FSTL5: variants seen among roughly 807,000 people sequenced by gnomAD.
FSTL5 encodes follistatin-related protein 5.
A neutral mutation model predicts 89.1 loss-of-function variants in FSTL5; 62 were observed. The ratio of observed to expected loss-of-function variants is 0.70; its 90% CI spans 0.57 to 0.86. The LOEUF (loss-of-function observed/expected upper bound fraction) is 0.86. Ranked by LOEUF, FSTL5 falls within the 40% of genes least tolerant of loss-of-function variation. The pLI, the probability that FSTL5 is intolerant of heterozygous loss-of-function variation, is 0.00. For synonymous variants in FSTL5, 383 were observed against 346.2 expected, an observed-to-expected ratio of 1.11 and a Z score of -1.18; for missense variants, 1,057 against 1,001.6, an observed-to-expected ratio of 1.06 and a Z score of -0.75.
chr4:162,005,584 G>T (rs1736592880), intron 3 of FSTL5, among the ~76,000 whole-genome samples: 1 of 152,080 alleles, frequency 6.6e-6, no homozygotes, highest in Non-Finnish European at 1.5e-5. Flanking sequence ...ACCACTGAAA[G>T]AGATCAAGGG....
intron 7 of FSTL5, among the ~76,000 whole-genome samples, chr4:161,597,360 T>G (rs1319046205): frequency 1.3e-5 from 2 of 151,240 alleles, no homozygotes; most frequent in Non-Finnish European, 2.9e-5. Flanking sequence ...ACCATCATTC[T>G]CAGCAAACTA....
At chr4:161,440,065 G>A (rs7669737) in intron 15 of FSTL5, among the ~76,000 whole-genome samples, 63,840 of 151,892 alleles carry the variant, frequency 0.42, 14,399 homozygotes, top group East Asian at 0.6. Flanking sequence ...TACTAGAGTC[G>A]TAGAGAAGAA....
At chr4:162,111,140 T>A (rs1731421584) in intron 2 of FSTL5, 131 bp downstream of exon 2, 1 of 726,974 alleles carries the variant, frequency 1.4e-6, no homozygotes, top group Admixed American at 3.0e-5. Context: ...ATGTGCATTT[T>A]AAAAATAATA....
intron 15 of FSTL5, among the ~76,000 whole-genome samples, chr4:161,442,961 T>C (rs1475685263): frequency 6.6e-6 from 1 of 152,006 alleles, no homozygotes; most frequent in Admixed American, 6.6e-5. Flanking sequence ...AGCTGAATTT[T>C]GGTCTACAGT....
intron 3 of FSTL5, among the ~76,000 whole-genome samples, chr4:161,984,419 C>A (rs2111057528): frequency 6.6e-6 from 1 of 152,174 alleles, no homozygotes; most frequent in South Asian, 2.1e-4. Context: ...GCACCTACTG[C>A]ATGAATGTTA....
At chr4:161,540,697 AT>A (rs908644854) in intron 9 of FSTL5, among the ~76,000 whole-genome samples, 6 of 150,296 alleles carry the variant, frequency 4.0e-5, no homozygotes, top group South Asian at 2.1e-4. Context: ...ACTATCTTCT[AT>A]TTTTTTTTCC....
intron 2 of FSTL5, among the ~76,000 whole-genome samples, chr4:162,105,433 A>G (rs1731186310): frequency 6.6e-6 from 1 of 152,146 alleles, no homozygotes; most frequent in Non-Finnish European, 1.5e-5. Flanking sequence ...TATTTTTTAG[A>G]TTCATTTTTC....
chr4:161,513,272 G>GGAGAGAGAGAGA (rs6148753), intron 10 of FSTL5, among the ~76,000 whole-genome samples: 1,488 of 109,882 alleles, frequency 0.014, 167 homozygotes, highest in East Asian at 0.036. Flanking sequence ...ACAAGGAGGG[G>GGAGAGAGAGAGA]GAGAGAGAGA....
intron 3 of FSTL5, among the ~76,000 whole-genome samples, chr4:162,013,174 G>T (rs1401782040): frequency 6.7e-6 from 1 of 148,544 alleles, no homozygotes; most frequent in Non-Finnish European, 1.5e-5. Flanking sequence ...GACACTGAAA[G>T]ACTCTGTCTT....
chr4:161,984,199 C>A (rs570656204), intron 3 of FSTL5, among the ~76,000 whole-genome samples: 1 of 151,964 alleles, frequency 6.6e-6, no homozygotes, highest in East Asian at 1.9e-4. Context: ...TTTCTCTATA[C>A]TTTTTTATTT....
At chr4:161,634,303 T>C (rs1408280079) in intron 7 of FSTL5, among the ~76,000 whole-genome samples, 1 of 152,200 alleles carries the variant, frequency 6.6e-6, no homozygotes, top group Non-Finnish European at 1.5e-5. Context: ...TTAGAGCTGT[T>C]GACTTTAAGG....
intron 3 of FSTL5, among the ~76,000 whole-genome samples, chr4:161,967,224 A>T (rs1735355127): frequency 6.6e-6 from 1 of 152,118 alleles, no homozygotes; most frequent in Non-Finnish European, 1.5e-5. Context: ...GGCACAGCTG[A>T]TGAAGGGTTT....
At chr4:161,856,067 C>G (rs890122693) in intron 4 of FSTL5, among the ~76,000 whole-genome samples, 1 of 151,972 alleles carries the variant, frequency 6.6e-6, no homozygotes, top group Non-Finnish European at 1.5e-5. Flanking sequence ...AAAATATAAA[C>G]CATAATTAGC....
chr4:162,021,788 C>T (rs980917056), intron 3 of FSTL5, among the ~76,000 whole-genome samples: 1 of 151,854 alleles, frequency 6.6e-6, no homozygotes, highest in African/African-American at 2.4e-5. Flanking sequence ...TAGGAGTTTG[C>T]TGGGTAAGAG....
At chr4:161,479,156 A>G (rs1355283027) in intron 13 of FSTL5, among the ~76,000 whole-genome samples, 1 of 151,956 alleles carries the variant, frequency 6.6e-6, no homozygotes, top group Non-Finnish European at 1.5e-5. Context: ...AAGTTGAAAA[A>G]TCTCCACAAT....
intron 2 of FSTL5, among the ~76,000 whole-genome samples, chr4:162,048,205 T>C (rs2111250100): frequency 6.6e-6 from 1 of 151,974 alleles, no homozygotes; most frequent in East Asian, 2.0e-4. Context: ...CACGTGCTTG[T>C]ATTCTCAGCT....
intron 13 of FSTL5, 74 bp from the exon 14 acceptor site, chr4:161,459,393 G>C: frequency 2.1e-3 from 1,564 of 742,328 alleles, no homozygotes; most frequent in Non-Finnish European, 3.2e-3. Flanking sequence ...AAATTATGAA[G>C]ATTCTAATTT....
rs188247726 is a variant in FSTL5, at chr4:161,838,022, C to G, written c.410-61948G>C. On this transcript the variant is annotated intron_variant, in intron 4 of 15. Coordinates refer to ENST00000306100, the MANE Select transcript of FSTL5 (RefSeq NM_020116.5). ...GACTTTACTGTATTATTTTATGGTTCTATGTATTTCTTCTATTTTGACAAG... is the reference window on the plus strand; with the variant it reads ...GACTTTACTGTATTATTTTATGGTTGTATGTATTTCTTCTATTTTGACAAG... 4.7e-4 allele frequency among the ~76,000 whole-genome samples: 72 copies of G among 152,148 alleles called. No individual in the cohort carries two copies. In the East Asian group the frequency reaches 0.011, roughly 22 times the overall value.
chr4:161,565,413 A>G (rs1732762137), intron 8 of FSTL5, among the ~76,000 whole-genome samples: 1 of 151,906 alleles, frequency 6.6e-6, no homozygotes, highest in African/African-American at 2.4e-5. Context: ...AAATACATAT[A>G]TATGTTTTTG....
Sources: allele counts gnomAD v4.1 joint callset (sites outside exome capture counted in the v4.1 genomes callset), GRCh38; gene constraint gnomAD v4.1.1; transcripts MANE v1.5; gene names NCBI Gene and HGNC (gene_info 2026-07-23, HGNC 2026-07-21).